The following FSIP1 variants were observed in gnomAD, a reference collection of about 807,000 sequenced individuals.
FSIP1 encodes the protein fibrous sheath-interacting protein 1.
A neutral mutation model predicts 60.9 loss-of-function variants in FSIP1; 65 were observed. The observed-to-expected ratio is 1.07, with a 90% CI of 0.87 to 1.31. The LOEUF (loss-of-function observed/expected upper bound fraction) is 1.31. FSIP1 is among the 40% of genes most tolerant of loss of function. The pLI is 0.00. For synonymous variants in FSIP1, 209 were observed against 221.2 expected (o/e 0.94, Z 0.49); for missense variants, 675 against 665.5 (o/e 1.01, Z -0.16).
chr15:39,663,026 C>T (rs977529414), intron 10 of FSIP1, among the ~76,000 whole-genome samples: 1 of 152,072 alleles, frequency 6.6e-6, no homozygotes, highest in Admixed American at 6.5e-5. Context: ...CTCAAACAAG[C>T]TTCCTTGTTT....
chr15:39,659,626 TTAA>T (rs1285628125), intron 10 of FSIP1, among the ~76,000 whole-genome samples: 2 of 133,780 alleles, frequency 1.5e-5, no homozygotes, highest in African/African-American at 2.8e-5. Context: ...AGCTGTTATT[TTAA>T]AAAAAAAAAA....
intron 1 of FSIP1, among the ~76,000 whole-genome samples, chr15:39,779,527 T>C (rs1898178466): frequency 6.6e-6 from 1 of 152,236 alleles, no homozygotes; most frequent in Non-Finnish European, 1.5e-5. Flanking sequence ...CACCCTGAGC[T>C]ATACGCTATT....
chr15:39,765,297 T>C (rs1483162938), intron 4 of FSIP1, among the ~76,000 whole-genome samples: 2 of 146,634 alleles, frequency 1.4e-5, no homozygotes, highest in Non-Finnish European at 3.0e-5. Context: ...TGGAGTGCAG[T>C]GACATGATCA....
chr15:39,607,809 A>G (rs1265262270), intron 11 of FSIP1, among the ~76,000 whole-genome samples: 1 of 152,198 alleles, frequency 6.6e-6, no homozygotes, highest in Non-Finnish European at 1.5e-5. Context: ...AAAACAATAA[A>G]TGGCTTTTCT....
intron 10 of FSIP1, among the ~76,000 whole-genome samples, chr15:39,623,225 A>G (rs946027053): frequency 1.3e-5 from 2 of 152,214 alleles, no homozygotes; most frequent in African/African-American, 4.8e-5. Context: ...TCCAGCCATA[A>G]AAATCTCCAG....
intron 5 of FSIP1, among the ~76,000 whole-genome samples, chr15:39,762,871 G>A (rs566791070): frequency 1.3e-5 from 2 of 152,302 alleles, no homozygotes; most frequent in Admixed American, 6.5e-5. Flanking sequence ...AATGGCAGCC[G>A]TTTGGAAACA....
intron 8 of FSIP1, among the ~76,000 whole-genome samples, chr15:39,729,557 G>C (rs1352638690): frequency 6.6e-6 from 1 of 152,106 alleles, no homozygotes; most frequent in Non-Finnish European, 1.5e-5. Flanking sequence ...CTGGGTGACA[G>C]AGTAAGACCC....
intron 10 of FSIP1, among the ~76,000 whole-genome samples, chr15:39,631,563 T>G (rs1891890468): frequency 6.6e-6 from 1 of 152,166 alleles, no homozygotes; most frequent in Non-Finnish European, 1.5e-5. Flanking sequence ...CGAAGACACC[T>G]CTTCCCAGAC....
At position 39,672,418 on chromosome 15, in the gene FSIP1, C is replaced by G. The variant is rs115894894; in HGVS notation, c.1188+41026G>C. Reference sequence around the variant, plus strand: ...TGAGCAACACTATTGACTGTCTCTCCCTTCTCTCCAGGAATAGTACAGACA... The same window carrying G: ...TGAGCAACACTATTGACTGTCTCTCGCTTCTCTCCAGGAATAGTACAGACA... On this transcript the variant is annotated intron_variant, in intron 10 of 11. Transcript: ENST00000350221. Among the ~76,000 whole-genome samples the G allele has an allele frequency of 3.0e-3, 461 of 152,270 alleles. 3 individuals carry two copies. The highest frequency in any genetic ancestry group is 0.01 in the African/African-American group (422 of 41,550).
chr15:39,626,269 G>A (rs1891634511), intron 10 of FSIP1, among the ~76,000 whole-genome samples: 1 of 152,204 alleles, frequency 6.6e-6, no homozygotes, highest in African/African-American at 2.4e-5. Flanking sequence ...TCAGAACTCT[G>A]TCTCTGGGAT....
intron 11 of FSIP1, among the ~76,000 whole-genome samples, chr15:39,613,519 C>A (rs894513655): frequency 7.2e-5 from 11 of 152,094 alleles, no homozygotes; most frequent in Admixed American, 3.3e-4. Context: ...TGAATTCTAC[C>A]AAACATTTAA....
intron 10 of FSIP1, among the ~76,000 whole-genome samples, chr15:39,700,088 T>C (rs1894995014): frequency 6.6e-6 from 1 of 152,210 alleles, no homozygotes; most frequent in African/African-American, 2.4e-5. Flanking sequence ...CTTTATGGCA[T>C]TGGCAAAAAG....
intron 8 of FSIP1, among the ~76,000 whole-genome samples, chr15:39,734,657 G>GA (rs1190555864): frequency 6.6e-6 from 1 of 152,036 alleles, no homozygotes. Context: ...TACCAGATCA[G>GA]AAATAGGATA....
At chr15:39,770,709 G>C in intron 2 of FSIP1, 99 bp from the exon 3 acceptor site, 1 of 693,880 alleles carries the variant, frequency 1.4e-6, no homozygotes, top group Non-Finnish European at 2.2e-6. Flanking sequence ...AGCAGATGGA[G>C]AATGTACATA....
At chr15:39,662,106 T>C (rs1893318889) in intron 10 of FSIP1, among the ~76,000 whole-genome samples, 1 of 152,144 alleles carries the variant, frequency 6.6e-6, no homozygotes, top group African/African-American at 2.4e-5. Context: ...AAAAGACTTC[T>C]TTTCTAATGT....
rs150828594 is a variant in FSIP1 at position 39,655,532 on chromosome 15, T to C, written c.1189-37287A>G. On this transcript the variant is annotated intron_variant, in intron 10 of 11. Coordinates refer to ENST00000350221, the MANE Select transcript of FSIP1 (RefSeq NM_152597.5). Reference sequence around the variant, plus strand: ...CATTCATTCATTCATCCAGCAAACATTTATTGAATGCCCACTACAAAGTTC... The same window carrying C: ...CATTCATTCATTCATCCAGCAAACACTTATTGAATGCCCACTACAAAGTTC... Among the ~76,000 whole-genome samples, 508 of 152,288 alleles carry C rather than the reference T, an allele frequency of 3.3e-3. 4 individuals are homozygous for C. Among genetic ancestry groups the C allele is most frequent in the African/African-American group, 0.012 (491 of 41,552 alleles).
At chr15:39,644,719 A>AG (rs549507271) in intron 10 of FSIP1, among the ~76,000 whole-genome samples, 13 of 150,748 alleles carry the variant, frequency 8.6e-5, no homozygotes, top group African/African-American at 3.2e-4. Context: ...CAAGTACTGA[A>AG]AAAAAAAAAC....
intron 5 of FSIP1, among the ~76,000 whole-genome samples, chr15:39,742,296 G>A (rs1053536169): frequency 1.2e-4 from 19 of 152,152 alleles, no homozygotes; most frequent in Non-Finnish European, 2.4e-4. Context: ...AGGTCCCCAA[G>A]GTGGAGACTT....
At chr15:39,756,135 A>T (rs534088497) in intron 5 of FSIP1, among the ~76,000 whole-genome samples, 1 of 152,308 alleles carries the variant, frequency 6.6e-6, no homozygotes, top group South Asian at 2.1e-4. Flanking sequence ...TTCAAATGTG[A>T]TATAAATCAA....
Sources: allele counts gnomAD v4.1 joint callset (sites outside exome capture counted in the v4.1 genomes callset), GRCh38; gene constraint gnomAD v4.1.1; transcripts MANE v1.5; gene names NCBI Gene and HGNC (gene_info 2026-07-23, HGNC 2026-07-21).